The following GPC5 variants were observed in gnomAD, a reference collection of about 807,000 sequenced individuals.
GPC5 encodes the protein glypican 5, also known as glypican-5.
Under a neutral mutation model 53.9 loss-of-function variants are expected in GPC5, and 47 were observed. The observed-to-expected ratio is 0.87, with a 90% CI of 0.69 to 1.11. The LOEUF (loss-of-function observed/expected upper bound fraction) is 1.11. GPC5 is among the 50% of genes most tolerant of loss of function. The pLI is 0.00. For missense variants in GPC5, 748 were observed against 713.1 expected (o/e 1.05, Z -0.56); for synonymous variants, 286 against 263.3 (o/e 1.09, Z -0.84).
At position 91,963,813 on chromosome 13, in the gene GPC5, C is replaced by T. The variant is rs2040150456; in HGVS notation, c.1401+55756C>T. 3.9e-5 allele frequency among the ~76,000 whole-genome samples: 6 copies of T among 152,098 alleles called. No individual in the cohort carries two copies. In the South Asian group the frequency reaches 1.2e-3, roughly 32 times the overall value. On this transcript the variant is annotated intron_variant, in intron 6 of 7. Transcript: ENST00000377067. Reference sequence around the variant, plus strand: ...GGTATTTTGAGCTCATACCACTGCACCTGTGGTCCAAAATGAAATTAAATG... The same window carrying T: ...GGTATTTTGAGCTCATACCACTGCATCTGTGGTCCAAAATGAAATTAAATG...
At chr13:91,490,604 A>G (rs1335617168) in intron 2 of GPC5, among the ~76,000 whole-genome samples, 1 of 152,184 alleles carries the variant, frequency 6.6e-6, no homozygotes, top group Non-Finnish European at 1.5e-5. Context: ...TGCTGGTGTT[A>G]TGACCCAACT....
Position 92,784,453 on chromosome 13 carries a change from A to G in GPC5, c.1562-81829A>G, listed in dbSNP as rs9561151. Among the ~76,000 whole-genome samples, 3,856 of 152,156 alleles carry G rather than the reference A, an allele frequency of 0.025. 385 individuals carry two copies. The East Asian group carries it at 0.32, about 13-fold the overall frequency. On this transcript the variant is annotated intron_variant, in intron 7 of 7. Transcript: ENST00000377067. ...TATTATACTTCCAGATATTGCAAAA[A>G]GATGTACTTTACTCACAGTCTCCCT...
chr13:91,715,915 AG>A (rs1370591373), intron 3 of GPC5, among the ~76,000 whole-genome samples: 1 of 152,012 alleles, frequency 6.6e-6, no homozygotes, highest in Non-Finnish European at 1.5e-5. Context: ...CTGGGACTAC[AG>A]GTGCACAGCA....
chr13:92,788,417 A>G (rs979741041), intron 7 of GPC5, among the ~76,000 whole-genome samples: 1 of 152,208 alleles, frequency 6.6e-6, no homozygotes, highest in Non-Finnish European at 1.5e-5. Context: ...AATATTACAC[A>G]TTTCAAAGAT....
chr13:92,524,317 C>T (rs1881188906), intron 7 of GPC5, among the ~76,000 whole-genome samples: 1 of 152,092 alleles, frequency 6.6e-6, no homozygotes. Flanking sequence ...AAACCACTTT[C>T]TTTGTTCATC....
chr13:91,556,752 A>G (rs1434203128), intron 2 of GPC5, among the ~76,000 whole-genome samples: 1 of 151,960 alleles, frequency 6.6e-6, no homozygotes, highest in Non-Finnish European at 1.5e-5. Context: ...TCTCACTCAT[A>G]AGTGGGAGCT....
chr13:91,636,289 A>G (rs936132417), intron 2 of GPC5, among the ~76,000 whole-genome samples: 2 of 152,238 alleles, frequency 1.3e-5, no homozygotes, highest in Non-Finnish European at 2.9e-5. Context: ...TGTGTCAAGA[A>G]CATGTAGAAT....
intron 6 of GPC5, among the ~76,000 whole-genome samples, chr13:92,043,354 A>G (rs1172277028): frequency 1.3e-5 from 2 of 152,146 alleles, no homozygotes; most frequent in African/African-American, 4.8e-5. Context: ...TGGGATGGAG[A>G]AAAAGCTTGT....
chr13:91,869,043 G>GTTTGT (rs1023360364), intron 5 of GPC5, among the ~76,000 whole-genome samples: 28 of 151,968 alleles, frequency 1.8e-4, no homozygotes, highest in African/African-American at 6.5e-4. Flanking sequence ...GTTTTGTTTC[G>GTTTGT]TTTGTTTTGT....
At chr13:91,516,367 T>G (rs532444470) in intron 2 of GPC5, among the ~76,000 whole-genome samples, 1 of 152,080 alleles carries the variant, frequency 6.6e-6, no homozygotes, top group Non-Finnish European at 1.5e-5. Context: ...ACAAAGAGAT[T>G]ACAGGGCCCA....
intron 2 of GPC5, among the ~76,000 whole-genome samples, chr13:91,470,487 CT>C (rs1487102245): frequency 6.6e-6 from 1 of 152,000 alleles, no homozygotes; most frequent in Non-Finnish European, 1.5e-5. Flanking sequence ...ATGCTGATTT[CT>C]TTTCAGTGAA....
intron 7 of GPC5, among the ~76,000 whole-genome samples, chr13:92,511,727 A>G (rs1880573685): frequency 6.6e-6 from 1 of 152,182 alleles, no homozygotes; most frequent in Non-Finnish European, 1.5e-5. Flanking sequence ...CCAGAGCTAT[A>G]ATTTTCTCCT....
At chr13:92,736,380 G>C (rs1888935298) in intron 7 of GPC5, among the ~76,000 whole-genome samples, 1 of 151,936 alleles carries the variant, frequency 6.6e-6, no homozygotes, top group African/African-American at 2.4e-5. Flanking sequence ...TGTAGCTCCT[G>C]TCTATATCTC....
chr13:92,426,878 A>G (rs1366070008), intron 7 of GPC5, among the ~76,000 whole-genome samples: 1 of 152,032 alleles, frequency 6.6e-6, no homozygotes, highest in Non-Finnish European at 1.5e-5. Context: ...AGAGAATTAA[A>G]CTATAGGAGA....
Position 92,866,312 on chromosome 13 carries a change from T to C in GPC5, c.1592T>C (p.Val531Ala), listed in dbSNP as rs756073229. Residue 531 changes from valine to alanine, a missense_variant, in exon 8 of 8, where the codon GTA becomes GCA. Transcript: ENST00000377067. ...CCAGATGATATGAACTTCAGTGATG[T>C]AAAGCAAATCCATCAAACAGACACT... ...WMPDDMNFSD[V>A]KQIHQTDTGS... The C allele has an allele frequency of 1.2e-6, 2 of 1,612,356 alleles. No individual in the cohort carries two copies. The highest frequency in any genetic ancestry group is 4.5e-5 in the East Asian group (2 of 44,804).
At chr13:92,488,431 G>T (rs1879639506) in intron 7 of GPC5, among the ~76,000 whole-genome samples, 1 of 152,136 alleles carries the variant, frequency 6.6e-6, no homozygotes, top group African/African-American at 2.4e-5. Flanking sequence ...TAGATTCTAG[G>T]CAGTGATGGG....
In GPC5 at chr13:92,352,422, C is replaced by CA. The variant is rs372166994; in HGVS notation, c.1561+207435dup. ...TCTTAAAATGTTATCATAAACTAAG[C>CA]AAGAAGCTAGGTTACAAACTTGGAT... On this transcript the variant is annotated intron_variant, in intron 7 of 7. Transcript: ENST00000377067. Among the ~76,000 whole-genome samples, 890 of 152,006 alleles carry CA rather than the reference C, an allele frequency of 5.9e-3. 9 individuals are homozygous for CA. Among genetic ancestry groups the CA allele is most frequent in the African/African-American group, 0.021 (853 of 41,456 alleles).
At position 91,519,769 on chromosome 13, in the gene GPC5, T is replaced by C. The variant is rs151176452; in HGVS notation, c.325+70847T>C. 5.4e-4 allele frequency among the ~76,000 whole-genome samples: 83 copies of C among 152,324 alleles called. 1 individual carries two copies. In the East Asian group the frequency reaches 0.015, roughly 27 times the overall value. ...GAATTCATAATGAGGATTTGTATAT[T>C]GGGCAGGTTACTGTTTACTTTTAGC... is the stretch of plus-strand genomic sequence containing the variant. On this transcript the variant is annotated intron_variant, in intron 2 of 7. Transcript: ENST00000377067.
At chr13:91,671,792 A>AAC (rs1362016811) in intron 2 of GPC5, among the ~76,000 whole-genome samples, 7 of 149,122 alleles carry the variant, frequency 4.7e-5, no homozygotes, top group African/African-American at 1.7e-4. Context: ...AAAAAAAAAA[A>AAC]AAAAAAAAAA....
Sources: gnomAD v4.1 joint callset for allele counts (sites outside exome capture counted in the v4.1 genomes callset) on GRCh38, gnomAD v4.1.1 for gene constraint, MANE v1.5 for transcripts, NCBI Gene and HGNC (gene_info 2026-07-23, HGNC 2026-07-21) for gene names.